PCDH9: variants seen among roughly 807,000 people sequenced by gnomAD.
The protein encoded by PCDH9 is protocadherin 9.
Under a neutral mutation model 70.6 loss-of-function variants are expected in PCDH9, and 24 were observed. The ratio of observed to expected loss-of-function variants is 0.34; its 90% confidence interval spans 0.25 to 0.48. The LOEUF (loss-of-function observed/expected upper bound fraction) is 0.48. Ranked by LOEUF, PCDH9 falls within the 20% of genes least tolerant of loss-of-function variation. PCDH9 has a pLI of 0.99. For synonymous variants in PCDH9, 562 were observed against 558.5 expected (o/e 1.01, Z -0.09); for missense variants, 1,281 against 1,503.6 (o/e 0.85, Z 2.45).
intron 2 of PCDH9, among the ~76,000 whole-genome samples, chr13:67,063,808 C>T (rs2085587279): frequency 6.6e-6 from 1 of 152,022 alleles, no homozygotes; most frequent in African/African-American, 2.4e-5. Context: ...CAAATGTGCT[C>T]AAAGTAGATA....
At chr13:66,590,318 G>C (rs1304199405) in intron 4 of PCDH9, among the ~76,000 whole-genome samples, 2 of 151,804 alleles carry the variant, frequency 1.3e-5, no homozygotes, top group South Asian at 2.1e-4. Context: ...TTGAGGCTTT[G>C]ATAAGAAATT....
chr13:67,076,582 A>C (rs186664971), intron 2 of PCDH9, among the ~76,000 whole-genome samples: 9 of 152,290 alleles, frequency 5.9e-5, no homozygotes, highest in Admixed American at 4.6e-4. Context: ...TCTGTCAGGA[A>C]AGACTTCTCC....
intron 2 of PCDH9, among the ~76,000 whole-genome samples, chr13:66,923,879 AAAATGTCCATTTTCTGTTT>A (rs2082676705): frequency 6.6e-6 from 1 of 151,794 alleles, no homozygotes; most frequent in East Asian, 1.9e-4. Context: ...CTATTTTATG[AAAATGTCCATTTTCTGTTT>A]AAATACAGTA....
intron 4 of PCDH9, among the ~76,000 whole-genome samples, chr13:66,433,376 A>G (rs1046517850): frequency 1.4e-4 from 22 of 151,836 alleles, no homozygotes; most frequent in Admixed American, 1.4e-3. Flanking sequence ...AGCAAACAAA[A>G]AGTGCTCTCA....
chr13:66,431,691 TA>T (rs1239332692), intron 4 of PCDH9, among the ~76,000 whole-genome samples: 1 of 152,004 alleles, frequency 6.6e-6, no homozygotes, highest in Non-Finnish European at 1.5e-5. Flanking sequence ...ATCTTTCACT[TA>T]AAGTATTGTA....
At position 66,476,771 on chromosome 13, in the gene PCDH9, G is replaced by A. The variant is rs1481488982; in HGVS notation, c.3340+154439C>T. On this transcript the variant is annotated intron_variant, in intron 4 of 4. Transcript: ENST00000377865. ...TGTTTTAGTATCACAAACCAGGAGT[G>A]TTATCAGGAGACTAATATCCAAAAA... 2.6e-5 allele frequency among the ~76,000 whole-genome samples: 4 copies of A among 151,942 alleles called. No homozygotes were observed. In the South Asian group the frequency reaches 6.2e-4, roughly 24 times the overall value.
At chr13:66,553,209 A>G (rs1307208675) in intron 4 of PCDH9, among the ~76,000 whole-genome samples, 1 of 152,222 alleles carries the variant, frequency 6.6e-6, no homozygotes, top group East Asian at 1.9e-4. Context: ...AACTATTTTG[A>G]TGCAGGCTGA....
intron 2 of PCDH9, among the ~76,000 whole-genome samples, chr13:67,025,881 T>C (rs2084770669): frequency 6.6e-6 from 1 of 152,174 alleles, no homozygotes; most frequent in Non-Finnish European, 1.5e-5. Flanking sequence ...TTATATATCA[T>C]TTATGCATAT....
At chr13:66,502,378 A>T (rs1383350931) in intron 4 of PCDH9, among the ~76,000 whole-genome samples, 2 of 152,162 alleles carry the variant, frequency 1.3e-5, no homozygotes, top group African/African-American at 4.8e-5. Context: ...GCTGTTCCAT[A>T]TAATAGACTA....
intron 2 of PCDH9, among the ~76,000 whole-genome samples, chr13:67,018,445 C>T (rs113458041): frequency 0.11 from 16,525 of 151,692 alleles, 992 homozygotes; most frequent in Middle Eastern, 0.16. Context: ...ATAGTGAAAC[C>T]CCGTCTCTAC....
intron 4 of PCDH9, among the ~76,000 whole-genome samples, chr13:66,394,689 T>G (rs946768341): frequency 1.3e-5 from 2 of 152,206 alleles, no homozygotes; most frequent in South Asian, 4.1e-4. Flanking sequence ...TCTAATTTGG[T>G]GTTTAGTTAA....
chr13:66,961,824 G>A (rs901607346), intron 2 of PCDH9, among the ~76,000 whole-genome samples: 1 of 152,058 alleles, frequency 6.6e-6, no homozygotes, highest in African/African-American at 2.4e-5. Context: ...AGGCTGAGGC[G>A]GGTGGCTCAC....
In PCDH9 at chr13:67,153,338, G is replaced by T. The variant is rs947066091; in HGVS notation, c.3036+72067C>A. On this transcript the variant is annotated intron_variant, in intron 2 of 4. Transcript: ENST00000377865. Reference sequence around the variant, plus strand: ...ATGTGCCACTGCACTTGGCTGATTTGTTATTTTTTTTTGCAGATATGGTGG... The same window carrying T: ...ATGTGCCACTGCACTTGGCTGATTTTTTATTTTTTTTTGCAGATATGGTGG... 2.0e-5 allele frequency among the ~76,000 whole-genome samples: 3 copies of T among 151,750 alleles called. No individual in the cohort carries two copies. The South Asian group carries it at 6.2e-4, about 32-fold the overall frequency.
At chr13:66,708,692 A>G (rs1170364882) in intron 3 of PCDH9, among the ~76,000 whole-genome samples, 1 of 152,188 alleles carries the variant, frequency 6.6e-6, no homozygotes, top group Non-Finnish European at 1.5e-5. Flanking sequence ...TCCTCAGTCT[A>G]AGTATGTGAC....
chr13:66,653,943 G>C (rs566760230), intron 3 of PCDH9, among the ~76,000 whole-genome samples: 1 of 140,506 alleles, frequency 7.1e-6, no homozygotes. Context: ...ACTCCAGCCT[G>C]GGCGACAAAG....
At chr13:66,814,888 C>CA (rs1306540011) in intron 3 of PCDH9, among the ~76,000 whole-genome samples, 2 of 151,964 alleles carry the variant, frequency 1.3e-5, no homozygotes, top group Admixed American at 1.3e-4. Context: ...GCAATTAAAA[C>CA]AAAAACAAAA....
chr13:66,640,509 A>G (rs2138961977), intron 3 of PCDH9, among the ~76,000 whole-genome samples: 1 of 145,064 alleles, frequency 6.9e-6, no homozygotes, highest in Non-Finnish European at 1.5e-5. Flanking sequence ...AAAAGTTTAA[A>G]CAGTCACGCA....
At chr13:67,036,087 G>A (rs559334495) in intron 2 of PCDH9, among the ~76,000 whole-genome samples, 8 of 152,232 alleles carry the variant, frequency 5.3e-5, no homozygotes, top group African/African-American at 1.2e-4. Context: ...GCACATCAGC[G>A]TTCTAGTAGA....
intron 4 of PCDH9, among the ~76,000 whole-genome samples, chr13:66,512,861 C>G (rs1437384740): frequency 1.3e-5 from 2 of 151,872 alleles, no homozygotes; most frequent in Non-Finnish European, 2.9e-5. Flanking sequence ...CAAAGTCTTG[C>G]TCTGTTGCCC....
Sources: gnomAD v4.1 joint callset for allele counts (sites outside exome capture counted in the v4.1 genomes callset) on GRCh38, gnomAD v4.1.1 for gene constraint, MANE v1.5 for transcripts, NCBI Gene and HGNC (gene_info 2026-07-23, HGNC 2026-07-21) for gene names.